The following ZNF292 variants were observed in gnomAD, a reference collection of about 807,000 sequenced individuals.
ZNF292 encodes zinc finger protein 292, also known as 16 zinc-finger domain protein.
ZNF292 carries 26 observed loss-of-function variants against 217.9 expected under a neutral mutation model. The ratio of observed to expected loss-of-function variants is 0.12; its 90% confidence interval spans 0.09 to 0.17. The LOEUF is 0.17. Ranked by LOEUF, ZNF292 falls within the 10% of genes least tolerant of loss-of-function variation. The pLI, the probability that ZNF292 is intolerant of heterozygous loss-of-function variation, is 1.00. For synonymous variants in ZNF292, 1,257 were observed against 1,124.1 expected (o/e 1.12, Z -2.37); for missense variants, 2,904 against 3,175.2 (o/e 0.91, Z 2.05).
intron 4 of ZNF292, among the ~76,000 whole-genome samples, 187 bp downstream of exon 4, chr6:87,218,918 A>G (rs990125761): frequency 6.6e-6 from 1 of 152,220 alleles, no homozygotes; most frequent in African/African-American, 2.4e-5. Context: ...ATACGATTAT[A>G]GAATCATAGA....
At chr6:87,197,722 CAAAAAAAAAAA>C (rs11312557) in intron 1 of ZNF292, among the ~76,000 whole-genome samples, 6 of 77,310 alleles carry the variant, frequency 7.8e-5, no homozygotes, top group South Asian at 5.5e-4. Flanking sequence ...CTCGCTGTTT[CAAAAAAAAAAA>C]AAAAAAAAAA....
intron 5 of ZNF292, among the ~76,000 whole-genome samples, chr6:87,237,747 CAG>C (rs997694428): frequency 6.6e-6 from 1 of 152,156 alleles, no homozygotes; most frequent in Non-Finnish European, 1.5e-5. Flanking sequence ...CTTTAGCAAA[CAG>C]ATCATTCTAA....
At chr6:87,165,434 G>A (rs1053143958) in intron 1 of ZNF292, among the ~76,000 whole-genome samples, 1 of 152,114 alleles carries the variant, frequency 6.6e-6, no homozygotes, top group South Asian at 2.1e-4. Flanking sequence ...ATACTCACCC[G>A]GGAGTAAGAT....
intron 1 of ZNF292, among the ~76,000 whole-genome samples, chr6:87,161,696 G>A (rs754266392): frequency 4.6e-5 from 7 of 152,338 alleles, no homozygotes; most frequent in South Asian, 2.1e-4. Context: ...GACTATAGGC[G>A]TGAGCCACTG....
chr6:87,222,981 C>A, intron 4 of ZNF292: 1 of 293,244 alleles, frequency 3.4e-6, no homozygotes. Flanking sequence ...GGAGGAAGAC[C>A]AGAAAGGTAA....
Position 87,257,277 on chromosome 6 carries a change from T to C in ZNF292, c.3648T>C (p.Thr1216=). Residue 1216 remains threonine, a synonymous_variant, in exon 8 of 8, where the codon ACT becomes ACC. Coordinates refer to ENST00000369577, the MANE Select transcript of ZNF292 (RefSeq NM_015021.3). ...SMESVINPNI[T]SQDKNEQGGM... ...AAAGTGTCATAAATCCAAATATAAC[T>C]TCTCAGGATAAAAATGAACAAGGTG... is the stretch of plus-strand genomic sequence containing the variant. 1 of 1,613,692 alleles carries C rather than the reference T, an allele frequency of 6.2e-7. No individual in the cohort carries two copies. Among genetic ancestry groups the C allele is most frequent in the Non-Finnish European group, 8.5e-7 (1 of 1,179,802 alleles).
intron 6 of ZNF292, 31 bp from the exon 7 acceptor site, chr6:87,245,472 A>G (rs1774525670): frequency 6.9e-7 from 1 of 1,452,882 alleles, no homozygotes; most frequent in African/African-American, 1.5e-5. Flanking sequence ...TACTGCTCCA[A>G]CTTTTCTTAT....
chr6:87,200,474 A>G (rs1582410984), intron 1 of ZNF292, among the ~76,000 whole-genome samples: 1 of 151,956 alleles, frequency 6.6e-6, no homozygotes, highest in East Asian at 1.9e-4. Context: ...TAAAAAAAAA[A>G]TCTCTGCTCC....
Position 87,261,520 on chromosome 6 carries a change from A to T in ZNF292, c.7891A>T (p.Ile2631Phe), listed in dbSNP as rs1340688733. The T allele has an allele frequency of 5.0e-6, 8 of 1,607,802 alleles. No individual in the cohort carries two copies. In the African/African-American group the frequency reaches 1.1e-4, roughly 21 times the overall value. ...KGSHSNSRKN[I>F]DKTAVTSGNH... ...ATCCCATTCAAATTCAAGAAAAAAT[A>T]TTGATAAGACTGCTGTGACTAGTGG... The change falls in exon 8 of 8, where the codon ATT becomes TTT. Residue 2631 changes from isoleucine (I) to phenylalanine (F), a missense_variant. This residue lies in a region of ZNF292 where 380 missense variants were observed against 355.3 expected (regional missense o/e 1.07). Transcript: ENST00000369577.
Position 87,262,767 on chromosome 6 carries a change from T to TAA in ZNF292, c.*966_*967insAA, listed in dbSNP as rs1189568125. ...TTTTATACATGTGATCTTATAAAGA[T>TAA]TTTTTGTTTTGTTTTGTTTTCCATT... On this transcript the variant is annotated 3_prime_UTR_variant, in exon 8 of 8. Coordinates refer to ENST00000369577, the MANE Select transcript of ZNF292 (RefSeq NM_015021.3). The TAA allele has an allele frequency of 6.6e-6, 1 of 151,990 alleles. No homozygotes were observed. The highest frequency in any genetic ancestry group is 1.9e-4 in the East Asian group (1 of 5,198). The allele number at this position is 151,990 out of a possible 1,614,324, so 9.4% of individuals were successfully genotyped here. A position where few individuals can be genotyped will look rare whatever the true frequency, so the allele number is the denominator to read the frequency against.
At chr6:87,214,274 CAT>C (rs1457835991) in intron 1 of ZNF292, among the ~76,000 whole-genome samples, 1 of 152,234 alleles carries the variant, frequency 6.6e-6, no homozygotes, top group East Asian at 1.9e-4. Flanking sequence ...GGTACAGAAA[CAT>C]GGATTCCCCT....
rs1034218602 is a variant in ZNF292, at chr6:87,265,777, C to A, written c.*3976C>A. Among the ~76,000 whole-genome samples, 2 of 152,122 alleles carry A rather than the reference C, an allele frequency of 1.3e-5. No homozygotes were observed. Among genetic ancestry groups the A allele is most frequent in the Non-Finnish European group, 2.9e-5 (2 of 68,008 alleles). On this transcript the variant is annotated 3_prime_UTR_variant, in exon 8 of 8. Coordinates refer to ENST00000369577, the MANE Select transcript of ZNF292 (RefSeq NM_015021.3). The stretch of plus-strand genomic sequence containing the variant: ...CCAATTCAATTGTATCAGCTGTTTG[C>A]AAATGGTGATTATTCTGATTGATCA...
At position 87,182,155 on chromosome 6, in the gene ZNF292, T is replaced by C. The variant is rs368173681; in HGVS notation, c.168+26396T>C. Among the ~76,000 whole-genome samples the C allele has an allele frequency of 6.6e-5, 10 of 152,312 alleles. No individual in the cohort carries two copies. The East Asian group carries it at 1.2e-3, about 18-fold the overall frequency. Reference sequence around the variant, plus strand: ...TTAGCTTTGTTATTAAAAAATATCATGGTTGTAAATGCAGTTATTCACTCT... The same window carrying C: ...TTAGCTTTGTTATTAAAAAATATCACGGTTGTAAATGCAGTTATTCACTCT... On this transcript the variant is annotated intron_variant, in intron 1 of 7. Coordinates refer to ENST00000369577, the MANE Select transcript of ZNF292 (RefSeq NM_015021.3).
intron 1 of ZNF292, among the ~76,000 whole-genome samples, chr6:87,161,753 A>G (rs920426582): frequency 6.6e-6 from 1 of 152,178 alleles, no homozygotes; most frequent in African/African-American, 2.4e-5. Flanking sequence ...GTTTTGTTTT[A>G]AATTGAAAAT....
At chr6:87,167,439 G>A (rs1350786940) in intron 1 of ZNF292, among the ~76,000 whole-genome samples, 1 of 152,172 alleles carries the variant, frequency 6.6e-6, no homozygotes. Context: ...TCAGGAGTTT[G>A]AGACCCACCT....
intron 4 of ZNF292, among the ~76,000 whole-genome samples, chr6:87,219,409 A>T (rs780814130): frequency 4.6e-5 from 7 of 152,198 alleles, no homozygotes; most frequent in Non-Finnish European, 1.0e-4. Context: ...AAAAATTGTA[A>T]TATATCTAAT....
intron 4 of ZNF292, 74 bp from the exon 5 acceptor site, chr6:87,233,251 T>C: frequency 9.3e-7 from 1 of 1,078,474 alleles, no homozygotes; most frequent in South Asian, 1.8e-5. Flanking sequence ...TTTAAAAATA[T>C]TTCTTATAAG....
intron 7 of ZNF292, among the ~76,000 whole-genome samples, chr6:87,249,619 A>G (rs1185685640): frequency 6.6e-6 from 1 of 152,212 alleles, no homozygotes; most frequent in Non-Finnish European, 1.5e-5. Flanking sequence ...CCTTAAAGTT[A>G]AGCTATAGTG....
chr6:87,180,222 A>G (rs977974488), intron 1 of ZNF292, among the ~76,000 whole-genome samples: 3 of 152,272 alleles, frequency 2.0e-5, no homozygotes, highest in Non-Finnish European at 4.4e-5. Context: ...CCCGCATTCA[A>G]AGCCATCCTG....
Sources: gnomAD v4.1 joint callset for allele counts (sites outside exome capture counted in the v4.1 genomes callset) on GRCh38, gnomAD v4.1.1 for gene constraint, gnomAD v4.1.1 regional missense constraint, MANE v1.5 for transcripts, NCBI Gene and HGNC (gene_info 2026-07-23, HGNC 2026-07-21) for gene names.